Variants in CLASP1 observed in about 807,000 individuals in gnomAD.
CLASP1 encodes CLIP-associating protein 1.
In CLASP1, 38 loss-of-function variants were observed where a neutral mutation model predicts 192.3. The observed-to-expected ratio is 0.20, with a 90% CI of 0.15 to 0.26. The LOEUF (loss-of-function observed/expected upper bound fraction) is 0.26. Ranked by LOEUF, CLASP1 falls within the 10% of genes least tolerant of loss-of-function variation. The pLI is 1.00. For synonymous variants in CLASP1, 691 were observed against 712.8 expected, an observed-to-expected ratio of 0.97 and a Z score of 0.49; for missense variants, 1,433 against 1,932.5, an observed-to-expected ratio of 0.74 and a Z score of 4.85.
chr2:121,344,671 A>C (rs537475018), intron 39 of CLASP1, among the ~76,000 whole-genome samples: 1 of 152,168 alleles, frequency 6.6e-6, no homozygotes, highest in East Asian at 1.9e-4. Context: ...GCGTGTTCCC[A>C]TAGGCCTGTA....
rs548818615 is a variant in CLASP1 at position 121,481,468 on chromosome 2, T to A, written c.713-11508A>T. Among the ~76,000 whole-genome samples the A allele has an allele frequency of 2.0e-3, 304 of 152,294 alleles. 1 individual carries two copies. Among genetic ancestry groups the A allele is most frequent in the African/African-American group, 6.9e-3 (285 of 41,560 alleles). The stretch of plus-strand genomic sequence containing the variant: ...CCCTTTGTCAAGCGTCCTTAGGAGG[T>A]CTCAATGACAATTTTCTCAGGGTCA... On this transcript the variant is annotated intron_variant, in intron 8 of 39. Transcript: ENST00000263710.
chr2:121,565,128 A>G (rs1434775528), intron 2 of CLASP1, among the ~76,000 whole-genome samples: 1 of 152,222 alleles, frequency 6.6e-6, no homozygotes, highest in Non-Finnish European at 1.5e-5. Flanking sequence ...TAACCACATA[A>G]TTTATCATCT....
intron 1 of CLASP1, among the ~76,000 whole-genome samples, chr2:121,631,784 C>T (rs975255279): frequency 6.6e-6 from 1 of 151,982 alleles, no homozygotes; most frequent in Admixed American, 6.6e-5. Flanking sequence ...CAGTGGGTCA[C>T]ACCTGTAATC....
intron 2 of CLASP1, chr2:121,531,026 A>G (rs752210191): frequency 1.2e-4 from 86 of 699,938 alleles, no homozygotes; most frequent in South Asian, 5.0e-4. Flanking sequence ...CTGTTTTCAT[A>G]GACTTATCAG....
chr2:121,638,812 C>T (rs890966291), intron 1 of CLASP1, among the ~76,000 whole-genome samples: 11 of 152,024 alleles, frequency 7.2e-5, no homozygotes, highest in African/African-American at 2.7e-4. Flanking sequence ...AGATTACAGG[C>T]ACACACCACC....
chr2:121,466,317 A>C (rs1376784709), intron 9 of CLASP1, among the ~76,000 whole-genome samples: 1 of 152,230 alleles, frequency 6.6e-6, no homozygotes, highest in Admixed American at 6.5e-5. Flanking sequence ...CACAATTAAC[A>C]TTCCTACAGC....
At chr2:121,559,705 G>C (rs2058907851) in intron 2 of CLASP1, among the ~76,000 whole-genome samples, 1 of 152,150 alleles carries the variant, frequency 6.6e-6, no homozygotes, top group African/African-American at 2.4e-5. Flanking sequence ...AGGATGGGGA[G>C]TAACTGCTGA....
intron 2 of CLASP1, chr2:121,531,117 G>T: frequency 1.6e-6 from 1 of 634,640 alleles, no homozygotes; most frequent in Non-Finnish European, 2.9e-6. Context: ...TGGTTTTAGT[G>T]TCGCAAGTAA....
chr2:121,486,438 A>G (rs1478966661), intron 8 of CLASP1, among the ~76,000 whole-genome samples: 1 of 152,184 alleles, frequency 6.6e-6, no homozygotes, highest in African/African-American at 2.4e-5. Context: ...CATAAGAGTC[A>G]CCATATATCC....
At chr2:121,346,966 G>A (rs2063530356) in intron 39 of CLASP1, 72 bp downstream of exon 40, 1 of 886,288 alleles carries the variant, frequency 1.1e-6, no homozygotes, top group Non-Finnish European at 1.8e-6. Context: ...ATCCAGAGCT[G>A]CAGTCAAATG....
Position 121,530,978 on chromosome 2 carries a change from T to C in CLASP1, c.196-653A>G, listed in dbSNP as rs145446412. ...AACACACCCGCATCAACTAGAGCTT[T>C]TGCTTTATTTTGGTGCAATTTTTGG... On this transcript the variant is annotated intron_variant, in intron 2 of 39. Transcript: ENST00000263710. 271 of 700,440 alleles carry C rather than the reference T, an allele frequency of 3.9e-4. 1 individual carries two copies. In the Middle Eastern group the frequency reaches 6.6e-3, roughly 17 times the overall value. The allele number at this position is 700,440 out of a possible 1,614,324, so 43.4% of individuals were successfully genotyped here. A position where few individuals can be genotyped will look rare whatever the true frequency, so the allele number is the denominator to read the frequency against.
At chr2:121,444,318 A>G (rs1248145314) in intron 19 of CLASP1, among the ~76,000 whole-genome samples, 2 of 152,206 alleles carry the variant, frequency 1.3e-5, no homozygotes, top group Admixed American at 1.3e-4. Flanking sequence ...AAGGCATTTA[A>G]TACACGGTTG....
chr2:121,476,269 C>G (rs1232885326), intron 8 of CLASP1, among the ~76,000 whole-genome samples: 1 of 152,108 alleles, frequency 6.6e-6, no homozygotes, highest in Non-Finnish European at 1.5e-5. Context: ...CTTCAGCAGC[C>G]TCCACTGAAG....
intron 32 of CLASP1, 145 bp downstream of exon 33, chr2:121,386,977 T>C (rs2073348169): frequency 1.5e-6 from 1 of 678,572 alleles, no homozygotes; most frequent in Non-Finnish European, 2.6e-6. Context: ...CAGTTACAAT[T>C]TGAGTGAGGA....
intron 2 of CLASP1, among the ~76,000 whole-genome samples, chr2:121,572,874 A>T (rs183072855): frequency 1.2e-3 from 184 of 152,310 alleles, no homozygotes; most frequent in African/African-American, 4.3e-3. Context: ...CTTCTGACCA[A>T]TGAGAAAAGG....
At chr2:121,447,567 C>T (rs1444815697) in intron 18 of CLASP1, 60 bp from the exon 19 acceptor site, 1 of 1,343,788 alleles carries the variant, frequency 7.4e-7, no homozygotes, top group Non-Finnish European at 1.0e-6. Flanking sequence ...AAATACATTG[C>T]TAAAATCTGA....
chr2:121,569,154 C>A lies in CLASP1; in HGVS notation c.195+36547G>T, dbSNP rs140126916. ...CCTAAACTGCCATAAGAGGTCTCTG[C>A]CTCAAGAATCTTACATTCAAGTAGA... On this transcript the variant is annotated intron_variant, in intron 2 of 39. Coordinates refer to ENST00000263710, the Ensembl canonical transcript of CLASP1. Among the ~76,000 whole-genome samples the A allele has an allele frequency of 2.5e-4, 38 of 152,300 alleles. No individual in the cohort carries two copies. The East Asian group carries it at 7.1e-3, about 29-fold the overall frequency.
At chr2:121,372,688 G>T (rs2069002484) in intron 34 of CLASP1, among the ~76,000 whole-genome samples, 1 of 152,202 alleles carries the variant, frequency 6.6e-6, no homozygotes, top group East Asian at 1.9e-4. Flanking sequence ...ACTTCCTTCT[G>T]AATTATTCTC....
intron 8 of CLASP1, among the ~76,000 whole-genome samples, chr2:121,494,796 G>GA (rs1185548652): frequency 2.6e-5 from 4 of 152,004 alleles, no homozygotes; most frequent in African/African-American, 9.7e-5. Flanking sequence ...CGAGGTGAGC[G>GA]AATCACCTGA....
Sources: allele counts gnomAD v4.1 joint callset (sites outside exome capture counted in the v4.1 genomes callset), GRCh38; gene constraint gnomAD v4.1.1; transcripts MANE v1.5; gene names NCBI Gene and HGNC (gene_info 2026-07-23, HGNC 2026-07-21).